The following ADAMTSL1 variants were observed in gnomAD, a reference collection of about 807,000 sequenced individuals.
ADAMTSL1 encodes the protein ADAMTS-like protein 1.
ADAMTSL1 carries 126 observed loss-of-function variants against 201.8 expected under a neutral mutation model. The ratio of observed to expected loss-of-function variants is 0.62; its 90% confidence interval spans 0.54 to 0.72. The LOEUF (loss-of-function observed/expected upper bound fraction) is 0.72, where lower values mean the gene tolerates loss of function less well. Ranked by LOEUF, ADAMTSL1 falls within the 30% of genes least tolerant of loss-of-function variation. The probability of loss-of-function intolerance (pLI) is 0.00; values close to 1 mark genes in which losing one functional copy is unlikely to be tolerated. For missense variants in ADAMTSL1, 2,679 were observed against 2,277.8 expected, an observed-to-expected ratio of 1.18 and a Z score of -3.59; for synonymous variants, 1,121 against 903.4, an observed-to-expected ratio of 1.24 and a Z score of -4.32.
At chr9:18,054,684 G>T (rs145424707) in intron 1 of ADAMTSL1, among the ~76,000 whole-genome samples, 2,013 of 152,262 alleles carry the variant, frequency 0.013, 23 homozygotes, top group Non-Finnish European at 0.023. Context: ...CTTACTCATG[G>T]TCCTTCAGCT....
intron 1 of ADAMTSL1, among the ~76,000 whole-genome samples, chr9:18,013,595 CA>C (rs1197609914): frequency 1.3e-5 from 2 of 151,950 alleles, no homozygotes; most frequent in Non-Finnish European, 2.9e-5. Flanking sequence ...AATTACTGAG[CA>C]AAAATGTAGT....
At chr9:18,178,559 C>T (rs1011149357) in intron 2 of ADAMTSL1, among the ~76,000 whole-genome samples, 1 of 151,984 alleles carries the variant, frequency 6.6e-6, no homozygotes, top group Non-Finnish European at 1.5e-5. Context: ...TCTGTAGGCT[C>T]CACCTCTGGG....
chr9:18,289,095 A>G (rs761329856), intron 2 of ADAMTSL1, among the ~76,000 whole-genome samples: 7 of 152,242 alleles, frequency 4.6e-5, no homozygotes, highest in Non-Finnish European at 8.8e-5. Context: ...CCAAAAAGAT[A>G]TATACCTAAT....
chr9:18,270,911 T>C (rs1832335111), intron 2 of ADAMTSL1, among the ~76,000 whole-genome samples: 1 of 152,144 alleles, frequency 6.6e-6, no homozygotes, highest in African/African-American at 2.4e-5. Flanking sequence ...TCCCTGTTGT[T>C]CTGAAGAAAG....
chr9:18,868,008 A>AT (rs888683427), intron 23 of ADAMTSL1, among the ~76,000 whole-genome samples: 3 of 151,776 alleles, frequency 2.0e-5, no homozygotes, highest in Admixed American at 6.6e-5. Flanking sequence ...TGACTACTTG[A>AT]TTTTTTTTCT....
At chr9:18,309,758 C>T (rs1834045983) in intron 2 of ADAMTSL1, among the ~76,000 whole-genome samples, 1 of 151,852 alleles carries the variant, frequency 6.6e-6, no homozygotes, top group East Asian at 1.9e-4. Flanking sequence ...GCCATACTGC[C>T]CAAAGTAATT....
intron 2 of ADAMTSL1, among the ~76,000 whole-genome samples, chr9:18,178,358 C>T (rs1472053198): frequency 6.6e-6 from 1 of 152,250 alleles, no homozygotes; most frequent in East Asian, 1.9e-4. Context: ...ATATCCTGCA[C>T]CTGGCTCGGA....
At chr9:18,818,407 G>A (rs1284353008) in intron 21 of ADAMTSL1, among the ~76,000 whole-genome samples, 1 of 152,276 alleles carries the variant, frequency 6.6e-6, no homozygotes, top group East Asian at 1.9e-4. Flanking sequence ...CCATTTTAGA[G>A]TAAGTAGGAG....
At chr9:18,593,502 A>T (rs1824056578) in intron 4 of ADAMTSL1, among the ~76,000 whole-genome samples, 1 of 151,708 alleles carries the variant, frequency 6.6e-6, no homozygotes, top group Non-Finnish European at 1.5e-5. Flanking sequence ...TAAATTGTTT[A>T]TTTGAAATTT....
At chr9:18,740,383 A>G (rs1818751632) in intron 15 of ADAMTSL1, among the ~76,000 whole-genome samples, 1 of 146,500 alleles carries the variant, frequency 6.8e-6, no homozygotes, top group South Asian at 2.2e-4. Flanking sequence ...ACATAATTAT[A>G]TCAAGGAGAG....
At chr9:18,307,943 A>G (rs1833973010) in intron 2 of ADAMTSL1, among the ~76,000 whole-genome samples, 1 of 152,192 alleles carries the variant, frequency 6.6e-6, no homozygotes, top group Admixed American at 6.5e-5. Flanking sequence ...ACATAATTGG[A>G]AGTAAAACAG....
chr9:18,276,909 A>G (rs2383071), intron 2 of ADAMTSL1, among the ~76,000 whole-genome samples: 116,873 of 152,046 alleles, frequency 0.77, 45,015 homozygotes, highest in Admixed American at 0.83. Flanking sequence ...GAGATTTGGA[A>G]GGGATAAAAC....
chr9:18,585,425 A>G (rs1823419072), intron 4 of ADAMTSL1, among the ~76,000 whole-genome samples: 1 of 152,188 alleles, frequency 6.6e-6, no homozygotes, highest in Non-Finnish European at 1.5e-5. Context: ...AGTGATGTAT[A>G]GTTTTTTTAA....
chr9:18,250,297 C>T (rs980944248), intron 2 of ADAMTSL1, among the ~76,000 whole-genome samples: 1 of 152,066 alleles, frequency 6.6e-6, no homozygotes, highest in Non-Finnish European at 1.5e-5. Flanking sequence ...GACAAATGTC[C>T]AGTATTTCAT....
chr9:18,841,637 G>A (rs1301000037), intron 23 of ADAMTSL1, among the ~76,000 whole-genome samples: 1 of 152,142 alleles, frequency 6.6e-6, no homozygotes. Context: ...TGTACCTCTG[G>A]TAGAATTCGG....
intron 2 of ADAMTSL1, among the ~76,000 whole-genome samples, chr9:18,450,632 A>G (rs1820368439): frequency 6.6e-6 from 1 of 151,828 alleles, no homozygotes; most frequent in African/African-American, 2.4e-5. Flanking sequence ...ATGTGTGTAT[A>G]CACACACACC....
At chr9:18,838,540 A>G (rs1003154199) in intron 23 of ADAMTSL1, among the ~76,000 whole-genome samples, 2 of 151,932 alleles carry the variant, frequency 1.3e-5, no homozygotes, top group Non-Finnish European at 2.9e-5. Flanking sequence ...ATAAATAAAT[A>G]ACTAGGCTGG....
At chr9:18,091,160 C>T (rs1031604722) in intron 1 of ADAMTSL1, among the ~76,000 whole-genome samples, 5 of 151,834 alleles carry the variant, frequency 3.3e-5, no homozygotes, top group Admixed American at 6.6e-5. Flanking sequence ...CCCCACGGTA[C>T]TGTTTTTTGT....
chr9:17,938,569 T>A (rs560247540), intron 1 of ADAMTSL1, among the ~76,000 whole-genome samples: 1 of 152,282 alleles, frequency 6.6e-6, no homozygotes, highest in South Asian at 2.1e-4. Flanking sequence ...CAGGTGTTCC[T>A]GTGAACTTTG....
Sources: gnomAD v4.1 joint callset for allele counts (sites outside exome capture counted in the v4.1 genomes callset) on GRCh38, gnomAD v4.1.1 for gene constraint, MANE v1.5 for transcripts, NCBI Gene and HGNC (gene_info 2026-07-23, HGNC 2026-07-21) for gene names.